The following MAPK6 variants were observed in gnomAD, a reference collection of about 807,000 sequenced individuals.
The protein encoded by MAPK6 is ERK-3.
A neutral mutation model predicts 59.3 loss-of-function variants in MAPK6; 19 were observed. The observed-to-expected ratio is 0.32, with a 90% CI of 0.22 to 0.47. The LOEUF is 0.47. Ranked by LOEUF, MAPK6 falls within the 20% of genes least tolerant of loss-of-function variation. The pLI is 1.00. For synonymous variants in MAPK6, 316 were observed against 290.3 expected (o/e 1.09, Z -0.90); for missense variants, 724 against 847.9 (o/e 0.85, Z 1.81).
chr15:51,971,870 T>C (rs1363584744), exon 1 of MAPK6: 2 of 1,021,666 alleles, frequency 2.0e-6, no homozygotes, highest in Non-Finnish European at 3.0e-6. Flanking sequence ...TTACGTGACC[T>C]AGTTTTCGCT....
chr15:51,978,176 A>G (rs2057162582), intron 1 of MAPK6, among the ~76,000 whole-genome samples: 1 of 150,746 alleles, frequency 6.6e-6, no homozygotes, highest in South Asian at 2.1e-4. Flanking sequence ...TCTGTCGCCC[A>G]AGCTGGAGTA....
chr15:52,016,560 T>C (rs563715999), upstream of MAPK6, among the ~76,000 whole-genome samples: 2 of 152,198 alleles, frequency 1.3e-5, no homozygotes, highest in Non-Finnish European at 2.9e-5. Context: ...AATCCATTTA[T>C]CTCATTAAGT....
rs11295636 is a variant in MAPK6 at position 52,030,611 on chromosome 15, C to CTTTT, written c.-632+11262_-632+11265dup. 9.0e-4 allele frequency among the ~76,000 whole-genome samples: 32 copies of CTTTT among 35,746 alleles called. 4 individuals carry two copies. Among genetic ancestry groups the CTTTT allele is most frequent in the African/African-American group, 2.7e-3 (24 of 8,778 alleles). The allele number at this position is 35,746 out of a possible 152,430, so 23.5% of individuals were successfully genotyped here. On this transcript the variant is annotated intron_variant, in intron 1 of 5. Coordinates refer to ENST00000261845, the MANE Select transcript of MAPK6 (RefSeq NM_002748.4). ...TGTGTTTTAGTTATGCAGAAGAAGG[C>CTTTT]TTTTTTTTTTTTTTTTTTTTTTTTT...
At chr15:52,063,193 T>C (rs2032272609) in intron 5 of MAPK6, among the ~76,000 whole-genome samples, 1 of 152,158 alleles carries the variant, frequency 6.6e-6, no homozygotes, top group Admixed American at 6.5e-5. Context: ...GCCTCCCTAC[T>C]AGCTGGGACT....
intron 1 of MAPK6, among the ~76,000 whole-genome samples, chr15:52,045,441 AAACT>A (rs1232259235): frequency 7.2e-5 from 11 of 152,246 alleles, no homozygotes; most frequent in African/African-American, 2.4e-4. Context: ...GCTTTTTAAC[AAACT>A]AACACATTGC....
intron 1 of MAPK6, among the ~76,000 whole-genome samples, chr15:52,039,682 G>A (rs1352967307): frequency 6.6e-6 from 1 of 151,670 alleles, no homozygotes; most frequent in Non-Finnish European, 1.5e-5. Flanking sequence ...CACCTGGCTA[G>A]TTTTTGTATT....
chr15:51,987,078 A>G (rs1438153302), intron 2 of MAPK6, among the ~76,000 whole-genome samples: 1 of 152,232 alleles, frequency 6.6e-6, no homozygotes, highest in Non-Finnish European at 1.5e-5. Context: ...ATGCACAGAA[A>G]AAAATCTGGA....
intron 2 of MAPK6, among the ~76,000 whole-genome samples, chr15:51,986,260 ACCT>A (rs1555395110): frequency 1.3e-5 from 2 of 152,092 alleles, no homozygotes; most frequent in Non-Finnish European, 2.9e-5. Context: ...TGATCCAATC[ACCT>A]CCTATCAGGT....
intron 1 of MAPK6, among the ~76,000 whole-genome samples, chr15:52,042,272 A>G (rs898343382): frequency 6.6e-6 from 1 of 152,180 alleles, no homozygotes; most frequent in African/African-American, 2.4e-5. Flanking sequence ...TCTCCCCCAG[A>G]TGTTTAACTG....
intron 1 of MAPK6, among the ~76,000 whole-genome samples, chr15:51,972,974 A>G (rs2057141534): frequency 6.6e-6 from 1 of 151,756 alleles, no homozygotes; most frequent in South Asian, 2.1e-4. Flanking sequence ...ACGCCACTTC[A>G]CTCTAGCCTG....
chr15:51,977,598 G>A (rs1451577766), intron 1 of MAPK6, among the ~76,000 whole-genome samples: 3 of 151,874 alleles, frequency 2.0e-5, no homozygotes, highest in Non-Finnish European at 4.4e-5. Context: ...GTCAAGTGGT[G>A]TGATTACAGC....
chr15:52,000,379 T>C (rs1010075082), intron 2 of MAPK6, among the ~76,000 whole-genome samples: 1 of 152,266 alleles, frequency 6.6e-6, no homozygotes, highest in African/African-American at 2.4e-5. Context: ...AGTTTTCTTC[T>C]AGGAGTTTTG....
At chr15:51,998,754 A>G (rs9989262) in intron 2 of MAPK6, among the ~76,000 whole-genome samples, 127,183 of 131,750 alleles carry the variant, frequency 0.97, 61,581 homozygotes, top group East Asian at 1. Context: ...GCAGTGGCGC[A>G]ATCTCGGCCC....
intron 2 of MAPK6, among the ~76,000 whole-genome samples, chr15:51,990,049 A>G (rs577540355): frequency 2.6e-5 from 4 of 152,394 alleles, no homozygotes; most frequent in Non-Finnish European, 5.9e-5. Context: ...AAACACAGCA[A>G]GATTAATAGG....
chr15:51,981,676 A>G (rs1211684871), intron 1 of MAPK6, among the ~76,000 whole-genome samples: 1 of 152,160 alleles, frequency 6.6e-6, no homozygotes, highest in Non-Finnish European at 1.5e-5. Flanking sequence ...CTTGAGGGTT[A>G]CCAGAGAGCT....
chr15:52,022,827 G>T lies in MAPK6; in HGVS notation c.-632+3451G>T, dbSNP rs2030587865. Among the ~76,000 whole-genome samples, 8 of 152,154 alleles carry T rather than the reference G, an allele frequency of 5.3e-5. No individual in the cohort carries two copies. The South Asian group carries it at 1.7e-3, about 32-fold the overall frequency. Reference sequence around the variant, plus strand: ...ATAATTCAGAGTTTAAAAACAAACTGAGGCCGGGGGCAGTGGCTAACGCTT... The same window carrying T: ...ATAATTCAGAGTTTAAAAACAAACTTAGGCCGGGGGCAGTGGCTAACGCTT... On this transcript the variant is annotated intron_variant, in intron 1 of 5. Transcript: ENST00000261845.
At chr15:51,989,111 A>C (rs2057200397) in intron 2 of MAPK6, among the ~76,000 whole-genome samples, 1 of 141,232 alleles carries the variant, frequency 7.1e-6, no homozygotes, top group South Asian at 2.2e-4. Flanking sequence ...ATGGAGTCTC[A>C]CTCTGTTGCC....
At chr15:51,977,189 GAC>G (rs2141801674) in intron 1 of MAPK6, among the ~76,000 whole-genome samples, 1 of 151,472 alleles carries the variant, frequency 6.6e-6, no homozygotes, top group Admixed American at 6.6e-5. Context: ...TTTTGGTAGA[GAC>G]GGGATTTCAC....
intron 1 of MAPK6, among the ~76,000 whole-genome samples, chr15:51,972,552 G>C (rs1412427861): frequency 6.6e-6 from 1 of 150,568 alleles, no homozygotes; most frequent in Non-Finnish European, 1.5e-5. Flanking sequence ...GGCCGGGCGC[G>C]GTCGCTCACG....
Sources: gnomAD v4.1 joint callset for allele counts (sites outside exome capture counted in the v4.1 genomes callset) on GRCh38, gnomAD v4.1.1 for gene constraint, MANE v1.5 for transcripts, NCBI Gene and HGNC (gene_info 2026-07-23, HGNC 2026-07-21) for gene names.